Variants in ENTREP2 observed in about 807,000 individuals in gnomAD.
ENTREP2 encodes protein ENTREP2.
the ENTREP2 span, among the ~76,000 whole-genome samples, chr15:29,282,158 CAT>C: frequency 6.6e-6 from 1 of 152,180 alleles, no homozygotes; most frequent in Non-Finnish European, 1.5e-5. Flanking sequence ...ATAATTCCCA[CAT>C]GTTGTGGGAG....
At chr15:29,550,372 T>C in the ENTREP2 span, among the ~76,000 whole-genome samples, 6 of 152,216 alleles carry the variant, frequency 3.9e-5, no homozygotes, top group Non-Finnish European at 7.3e-5. Flanking sequence ...GAAAAGGTCC[T>C]CTAGGAACTC....
chr15:29,142,602 C>A, the ENTREP2 span, among the ~76,000 whole-genome samples: 15 of 152,200 alleles, frequency 9.9e-5, no homozygotes, highest in African/African-American at 3.4e-4. Flanking sequence ...CCAGCCAGCA[C>A]CGCTTAACCA....
chr15:29,547,554 G>T, the ENTREP2 span, among the ~76,000 whole-genome samples: 27 of 152,284 alleles, frequency 1.8e-4, no homozygotes, highest in South Asian at 5.2e-3. Flanking sequence ...CATCAGGATG[G>T]CTATCATTAA....
the ENTREP2 span, among the ~76,000 whole-genome samples, chr15:29,456,812 T>C: frequency 6.6e-6 from 1 of 152,142 alleles, no homozygotes. Flanking sequence ...CAAAGAGTGG[T>C]GTGTGCAAAG....
chr15:29,467,281 T>G, the ENTREP2 span, among the ~76,000 whole-genome samples: 993 of 152,212 alleles, frequency 6.5e-3, 4 homozygotes, highest in Non-Finnish European at 9.5e-3. Context: ...GAAGCCATGT[T>G]TTAAAGATGT....
the ENTREP2 span, among the ~76,000 whole-genome samples, chr15:29,373,147 A>G: frequency 2.0e-5 from 3 of 152,076 alleles, no homozygotes; most frequent in Non-Finnish European, 4.4e-5. Context: ...AAAACAGAAA[A>G]GTATTATGAT....
chr15:29,135,611 T>C, the ENTREP2 span, among the ~76,000 whole-genome samples: 1 of 152,202 alleles, frequency 6.6e-6, no homozygotes, highest in East Asian at 1.9e-4. The surrounding 1 kb of genome is among the most constrained non-coding windows in gnomAD (Gnocchi z 7.4). Flanking sequence ...GTTGGCTCCA[T>C]TACGGACAAC....
the ENTREP2 span, among the ~76,000 whole-genome samples, chr15:29,438,626 C>T: frequency 9.2e-5 from 14 of 152,254 alleles, no homozygotes; most frequent in East Asian, 2.7e-3. Flanking sequence ...CCTGAATCCC[C>T]AGCTATCCTG....
At chr15:29,494,917 T>A in the ENTREP2 span, among the ~76,000 whole-genome samples, 3 of 152,230 alleles carry the variant, frequency 2.0e-5, no homozygotes, top group Non-Finnish European at 4.4e-5. Flanking sequence ...TGTGTTTGTA[T>A]GTGTGTCACA....
At chr15:29,461,213 A>G in the ENTREP2 span, among the ~76,000 whole-genome samples, 1 of 152,074 alleles carries the variant, frequency 6.6e-6, no homozygotes, top group African/African-American at 2.4e-5. Flanking sequence ...CATGACTGTT[A>G]TTTCCCTTCA....
the ENTREP2 span, among the ~76,000 whole-genome samples, chr15:29,458,281 A>G: frequency 6.6e-6 from 1 of 152,246 alleles, no homozygotes; most frequent in Admixed American, 6.5e-5. Context: ...TGGGCCCTCC[A>G]CAGATTGGAG....
chr15:29,239,126 C>T, the ENTREP2 span, among the ~76,000 whole-genome samples: 6 of 152,098 alleles, frequency 3.9e-5, no homozygotes, highest in Non-Finnish European at 8.8e-5. Flanking sequence ...ATGTTTATGC[C>T]ACATGAAGGG....
chr15:29,419,100 A>G, the ENTREP2 span, among the ~76,000 whole-genome samples: 1 of 152,358 alleles, frequency 6.6e-6, no homozygotes, highest in African/African-American at 2.4e-5. Context: ...ACTGAAGCTT[A>G]CCAGGGCTGC....
chr15:29,505,155 A>G, the ENTREP2 span, among the ~76,000 whole-genome samples: 18 of 152,282 alleles, frequency 1.2e-4, no homozygotes, highest in Non-Finnish European at 2.2e-4. This position sits in a 1 kb window ranked among gnomAD's most constrained non-coding sequence, Gnocchi z 4.3. Context: ...CCCCCTGGGC[A>G]GAGCCCACCC....
the ENTREP2 span, among the ~76,000 whole-genome samples, chr15:29,349,894 T>C: frequency 6.6e-6 from 1 of 152,104 alleles, no homozygotes; most frequent in Non-Finnish European, 1.5e-5. Flanking sequence ...AGCGAGACTC[T>C]GTCTCAAAAT....
the ENTREP2 span, among the ~76,000 whole-genome samples, chr15:29,475,431 C>G: frequency 6.6e-6 from 1 of 152,158 alleles, no homozygotes; most frequent in East Asian, 1.9e-4. Context: ...TCACAGGGTC[C>G]CAACCTCAGA....
At chr15:29,656,894 C>T in the ENTREP2 span, among the ~76,000 whole-genome samples, 7 of 152,194 alleles carry the variant, frequency 4.6e-5, no homozygotes, top group African/African-American at 9.6e-5. Flanking sequence ...AAAACCTGTA[C>T]ACAAACGTTT....
chr15:29,163,704 G>A, the ENTREP2 span, among the ~76,000 whole-genome samples: 4 of 152,030 alleles, frequency 2.6e-5, no homozygotes, highest in South Asian at 2.1e-4. Flanking sequence ...CAGTTTTCCC[G>A]AGGAAGAAGA....
chr15:29,363,945 G>A, the ENTREP2 span, among the ~76,000 whole-genome samples: 1 of 152,222 alleles, frequency 6.6e-6, no homozygotes, highest in Non-Finnish European at 1.5e-5. Context: ...GAGCTACCAG[G>A]GCTTTTGGTG....
Sources: gnomAD v4.1 joint callset for allele counts (sites outside exome capture counted in the v4.1 genomes callset) on GRCh38, gnomAD v4.1.1 for gene constraint, Gnocchi (gnomAD v3.1) non-coding constraint, MANE v1.5 for transcripts, NCBI Gene and HGNC (gene_info 2026-07-23, HGNC 2026-07-21) for gene names.